PDCD6: variants seen among roughly 807,000 people sequenced by gnomAD.
The protein encoded by PDCD6 is programmed cell death 6.
PDCD6 carries 12 observed loss-of-function variants against 28.3 expected under a neutral mutation model. That is an observed-to-expected ratio of 0.42 (90% CI 0.27 to 0.69). PDCD6 has a LOEUF of 0.69. Among genes scored for constraint, PDCD6 ranks in the 30% least tolerant of loss-of-function variants. PDCD6 has a pLI of 0.22. For missense variants in PDCD6, 226 were observed against 269.9 expected (o/e 0.84, Z 1.14); for synonymous variants, 92 against 108.0 (o/e 0.85, Z 0.92).
intron 2 of PDCD6, among the ~76,000 whole-genome samples, chr5:302,105 T>TGCGC (rs1253709028): frequency 3.1e-5 from 4 of 127,872 alleles, no homozygotes; most frequent in African/African-American, 1.2e-4. Flanking sequence ...TGTGTGTGTG[T>TGCGC]GTGCCTTGGG....
intron 1 of PDCD6, 79 bp downstream of exon 1, chr5:271,900 C>A: frequency 1.4e-6 from 1 of 735,664 alleles, no homozygotes; most frequent in Non-Finnish European, 2.0e-6. Context: ...CCCGACCAAC[C>A]CCGTTCCCTG....
intron 2 of PDCD6, among the ~76,000 whole-genome samples, chr5:279,518 T>C (rs1166998754): frequency 6.6e-6 from 1 of 151,612 alleles, no homozygotes; most frequent in Non-Finnish European, 1.5e-5. Flanking sequence ...ACGCCACGGG[T>C]GCAGCAGTGA....
At position 307,794 on chromosome 5, in the gene PDCD6, C is replaced by T. The variant is rs996376110; in HGVS notation, c.367+1034C>T. ...TCACTTATCTAAGCACGTCGCCTCT[C>T]CTCGTGTTTCCTCCCAGCATGCACT... On this transcript the variant is annotated intron_variant, in intron 4 of 5. Transcript: ENST00000264933. The surrounding 1 kb of genome is among the most constrained non-coding windows in gnomAD (Gnocchi z 6.1). Among the ~76,000 whole-genome samples the T allele has an allele frequency of 6.6e-6, 1 of 152,148 alleles. No homozygotes were observed.
chr5:277,175 G>T (rs1450565184), intron 2 of PDCD6, among the ~76,000 whole-genome samples: 1 of 152,116 alleles, frequency 6.6e-6, no homozygotes, highest in Non-Finnish European at 1.5e-5. Context: ...GCCCAGGCTG[G>T]AGTGCAGTGG....
rs1295274264 is a variant in PDCD6 at position 277,188 on chromosome 5, C to T, written c.163+4416C>T. Among the ~76,000 whole-genome samples the T allele has an allele frequency of 5.3e-5, 8 of 152,252 alleles. No homozygotes were observed. The East Asian group carries it at 5.8e-4, about 11-fold the overall frequency. ...TCGCCCAGGCTGGAGTGCAGTGGCA[C>T]GCTCTTGGCTCACTACAACCTCCGC... On this transcript the variant is annotated intron_variant, in intron 2 of 5. Coordinates refer to ENST00000264933, the MANE Select transcript of PDCD6 (RefSeq NM_013232.4).
At chr5:276,475 A>C (rs76612804) in intron 2 of PDCD6, 4 of 984,924 alleles carry the variant, frequency 4.1e-6, no homozygotes, top group Middle Eastern at 5.2e-4. Context: ...TTATTTTAAG[A>C]AAAAAATTAG....
At chr5:287,359 CTG>C (rs1385953277) in intron 2 of PDCD6, among the ~76,000 whole-genome samples, 2 of 152,152 alleles carry the variant, frequency 1.3e-5, no homozygotes, top group Non-Finnish European at 2.9e-5. Context: ...CCACTTGAAA[CTG>C]TACATGTAGC....
intron 4 of PDCD6, chr5:310,819 A>G (rs1188554032): frequency 6.3e-6 from 1 of 159,028 alleles, no homozygotes; most frequent in Non-Finnish European, 1.3e-5. Flanking sequence ...CTTCTGTGAA[A>G]TTTTAGTTTT....
At chr5:295,015 G>A (rs533219756) in intron 2 of PDCD6, among the ~76,000 whole-genome samples, 13 of 152,074 alleles carry the variant, frequency 8.5e-5, no homozygotes, top group Non-Finnish European at 1.5e-4. Context: ...GAGGGGCTAC[G>A]GGTGGAGGGG....
At chr5:312,411 T>C (rs1373025397) in intron 5 of PDCD6, 3 of 152,228 alleles carry the variant, frequency 2.0e-5, no homozygotes, top group Non-Finnish European at 4.4e-5. Flanking sequence ...ATGTGGAAAT[T>C]TGGAAAACGT....
At chr5:272,649 CGTTT>C in intron 1 of PDCD6, 58 bp from the exon 2 acceptor site, 1 of 1,537,422 alleles carries the variant, frequency 6.5e-7, no homozygotes, top group East Asian at 2.3e-5. Context: ...TGACAGAAGA[CGTTT>C]GTTTTGCTTT....
At chr5:286,096 G>C (rs188134085) in intron 2 of PDCD6, among the ~76,000 whole-genome samples, 12 of 151,312 alleles carry the variant, frequency 7.9e-5, no homozygotes, top group African/African-American at 2.4e-4. Flanking sequence ...GAGGACCCAG[G>C]GGGGAGCTGA....
rs553740584 is a variant in PDCD6, at chr5:307,468, C to A, written c.367+708C>A. On this transcript the variant is annotated intron_variant, in intron 4 of 5. Coordinates refer to ENST00000264933, the MANE Select transcript of PDCD6 (RefSeq NM_013232.4). The surrounding 1 kb of genome is among the most constrained non-coding windows in gnomAD (Gnocchi z 6.1). The stretch of plus-strand genomic sequence containing the variant: ...GACGCGTGTGCACACACACATGTGA[C>A]GGTGTGCCGTGGGTCTAGGAGTGTT... 6.6e-6 allele frequency among the ~76,000 whole-genome samples: 1 copy of A among 152,280 alleles called. No homozygotes were observed. The highest frequency in any genetic ancestry group is 1.9e-4 in the East Asian group (1 of 5,176).
chr5:271,914 G>C, intron 1 of PDCD6, 93 bp downstream of exon 1: 1 of 606,358 alleles, frequency 1.6e-6, no homozygotes, highest in Non-Finnish European at 2.5e-6. Context: ...TTCCCTGCCG[G>C]TTCTACTGCG....
At chr5:278,822 G>C (rs896201351) in intron 2 of PDCD6, among the ~76,000 whole-genome samples, 1 of 147,432 alleles carries the variant, frequency 6.8e-6, no homozygotes, top group Non-Finnish European at 1.5e-5. Flanking sequence ...GGAGGGTGCT[G>C]GGGACACAGG....
At position 314,669 on chromosome 5, in the gene PDCD6, A is replaced by AT. The variant is rs1261188599; in HGVS notation, c.*156dup. On this transcript the variant is annotated 3_prime_UTR_variant, in exon 6 of 6. Coordinates refer to ENST00000264933, the MANE Select transcript of PDCD6 (RefSeq NM_013232.4). ...CAGCTGTACATATGTGGATAAGCTG[A>AT]TTAATGGTTTTGCAACTGTAATAGT... 1.4e-6 allele frequency: 1 copy of AT among 700,680 alleles called. No individual in the cohort carries two copies. The highest frequency in any genetic ancestry group is 1.7e-5 in the African/African-American group (1 of 57,152). 43.4% of individuals were successfully genotyped at this position (700,680 alleles called of 1,614,324 possible). A position where few individuals can be genotyped will look rare whatever the true frequency, so the allele number is the denominator to read the frequency against.
At chr5:302,409 C>T (rs544357425) in intron 2 of PDCD6, among the ~76,000 whole-genome samples, 3 of 83,032 alleles carry the variant, frequency 3.6e-5, no homozygotes, top group South Asian at 3.4e-4. Flanking sequence ...GTGTATGCCT[C>T]AGGTTCAGGT....
intron 4 of PDCD6, chr5:308,694 C>G (rs1427035233): frequency 6.6e-6 from 1 of 152,216 alleles, no homozygotes; most frequent in Non-Finnish European, 1.5e-5. Context: ...AACAAGTGTT[C>G]TGCTCTCAGA....
chr5:290,282 C>G (rs1014727695), intron 2 of PDCD6: 51 of 1,448,614 alleles, frequency 3.5e-5, no homozygotes, highest in Non-Finnish European at 4.8e-5. Flanking sequence ...CCCCTCTTCT[C>G]AAAATCTTTC....
Sources: gnomAD v4.1 joint callset for allele counts (sites outside exome capture counted in the v4.1 genomes callset) on GRCh38, gnomAD v4.1.1 for gene constraint, Gnocchi (gnomAD v3.1) non-coding constraint, MANE v1.5 for transcripts, NCBI Gene and HGNC (gene_info 2026-07-23, HGNC 2026-07-21) for gene names.